Variants in OS9 observed in about 807,000 individuals in gnomAD.
OS9 encodes OS9 endoplasmic reticulum lectin.
In OS9, 58 loss-of-function variants were observed where a neutral mutation model predicts 84.7. That is an observed-to-expected ratio of 0.68 (90% CI 0.55 to 0.85). OS9 has a LOEUF of 0.85. Ranked by LOEUF, OS9 falls within the 40% of genes least tolerant of loss-of-function variation. The probability of loss-of-function intolerance (pLI) is 0.00; values close to 1 mark genes in which losing one functional copy is unlikely to be tolerated. For synonymous variants in OS9, 278 were observed against 320.8 expected (o/e 0.87, Z 1.43); for missense variants, 760 against 850.9 (o/e 0.89, Z 1.33).
In OS9 at chr12:57,694,356, A is replaced by C. The variant is rs772928281; in HGVS notation, c.162+33A>C. 2.5e-6 allele frequency: 4 copies of C among 1,610,664 alleles called. No individual in the cohort carries two copies. The East Asian group carries it at 8.9e-5, about 36-fold the overall frequency. Reference sequence around the variant, plus strand: ...GCGTATAAGGGGCGAGGGTCTGGGCAGAAGAGGAAGCGGGTAAGAGATAGA... The same window carrying C: ...GCGTATAAGGGGCGAGGGTCTGGGCCGAAGAGGAAGCGGGTAAGAGATAGA... On this transcript the variant is annotated intron_variant, in intron 1 of 14. Coordinates refer to ENST00000315970, the MANE Select transcript of OS9 (RefSeq NM_006812.4).
Position 57,711,974 on chromosome 12 carries a change from G to T in OS9, c.580-3786G>T, listed in dbSNP as rs114369345. 3.0e-3 allele frequency among the ~76,000 whole-genome samples: 453 copies of T among 152,266 alleles called. 1 individual carries two copies. The highest frequency in any genetic ancestry group is 0.01 in the African/African-American group (433 of 41,566). Reference sequence around the variant, plus strand: ...AGCAAAAAAAGCATAATTGCCAGGTGCAAGTTATGGATATTTAAAGATTGT... The same window carrying T: ...AGCAAAAAAAGCATAATTGCCAGGTTCAAGTTATGGATATTTAAAGATTGT... On this transcript the variant is annotated intron_variant, in intron 5 of 14. Transcript: ENST00000315970.
In OS9 at chr12:57,695,961, G is replaced by A; in HGVS notation, c.404-1G>A. 6.2e-7 allele frequency: 1 copy of A among 1,612,384 alleles called. No individual in the cohort carries two copies. Reference sequence around the variant, plus strand: ...GTGCTTCACTGTGGCTTCCCTTGCAGATTCAGAGATCAAAGGTGAAGTCCT... The same window carrying A: ...GTGCTTCACTGTGGCTTCCCTTGCAAATTCAGAGATCAAAGGTGAAGTCCT... On this transcript the variant is annotated splice_acceptor_variant, in intron 3 of 14. Transcript: ENST00000315970. LOFTEE classifies it high-confidence loss of function.
At chr12:57,696,521 C>T (rs1455778712) in intron 5 of OS9, 148 bp downstream of exon 5, 12 of 568,604 alleles carry the variant, frequency 2.1e-5, no homozygotes, top group Admixed American at 6.5e-5. Flanking sequence ...TCCAGCCGGG[C>T]GCAGTGGCTT....
chr12:57,718,268 G>C lies in OS9; in HGVS notation c.1257G>C (p.Glu419Asp). 2 of 1,614,034 alleles carry C rather than the reference G, an allele frequency of 1.2e-6. No individual in the cohort carries two copies. The highest frequency in any genetic ancestry group is 1.7e-6 in the Non-Finnish European group (2 of 1,179,886). Residue 419 changes from glutamate to aspartate, a missense_variant, in exon 11 of 15, where the codon GAG (glutamate) becomes GAC (aspartate). Glu to Asp is a conservative substitution (Grantham distance 45). Coordinates refer to ENST00000315970, the MANE Select transcript of OS9 (RefSeq NM_006812.4). Reference sequence around the variant, plus strand: ...GAGAGATGGAAGAAGAGGAGGATGAGGATGAGGATGAGGATGAAGATGAGG... The same window carrying C: ...GAGAGATGGAAGAAGAGGAGGATGACGATGAGGATGAGGATGAAGATGAGG... ...RQREMEEEED[E>D]DEDEDEDEDE...
At chr12:57,696,076 G>T (rs1565764989) in intron 4 of OS9, 38 bp downstream of exon 4, 1 of 1,493,130 alleles carries the variant, frequency 6.7e-7, no homozygotes, top group Admixed American at 1.7e-5. Flanking sequence ...AAGGGTTCTG[G>T]CCACCGGCTG....
chr12:57,699,702 C>G (rs1463312085), intron 5 of OS9, among the ~76,000 whole-genome samples: 1 of 152,240 alleles, frequency 6.6e-6, no homozygotes, highest in African/African-American at 2.4e-5. Context: ...GCACCCCTGA[C>G]CAGTCCTTTG....
intron 2 of OS9, 88 bp from the exon 3 acceptor site, chr12:57,695,692 G>C (rs1953805757): frequency 1.2e-6 from 1 of 825,092 alleles, no homozygotes; most frequent in Non-Finnish European, 2.2e-6. Context: ...GTAGATGAGA[G>C]GTTATGTGTC....
At position 57,720,502 on chromosome 12, in the gene OS9, T is replaced by C. The variant is rs773307060; in HGVS notation, c.1862T>C (p.Ile621Thr). ...TDEDTRNLKE[I>T]FFNILVPGAE... ...GAGGACACGAGAAACCTCAAGGAGA[T>C]CTTCTTCAATATCTTGGTAAGAGGC... The change falls in exon 14 of 15, where the codon ATC (isoleucine) becomes ACC (threonine). Residue 621 changes from isoleucine (I) to threonine (T), a missense_variant. Transcript: ENST00000315970. 3.0e-5 allele frequency: 49 copies of C among 1,609,718 alleles called. No homozygotes were observed. Among genetic ancestry groups the C allele is most frequent in the Middle Eastern group, 3.3e-4 (2 of 6,070 alleles).
intron 4 of OS9, 105 bp from the exon 5 acceptor site, chr12:57,696,170 G>T: frequency 8.2e-7 from 1 of 1,223,342 alleles, no homozygotes; most frequent in Admixed American, 1.8e-5. Context: ...GTTTCCTGGG[G>T]CCTGGGGGCA....
At position 57,699,968 on chromosome 12, in the gene OS9, G is replaced by A. The variant is rs1426319914; in HGVS notation, c.579+3595G>A. Among the ~76,000 whole-genome samples the A allele has an allele frequency of 7.2e-5, 11 of 152,236 alleles. No homozygotes were observed. In the East Asian group the frequency reaches 9.7e-4, roughly 13 times the overall value. On this transcript the variant is annotated intron_variant, in intron 5 of 14. Coordinates refer to ENST00000315970, the MANE Select transcript of OS9 (RefSeq NM_006812.4). ...AAATTAGCCGGGTGTGGTGGTGGGC[G>A]CCTGTAATCCCAGCTACTCGGGAGG...
chr12:57,707,110 T>C (rs1401008723), intron 5 of OS9, among the ~76,000 whole-genome samples: 1 of 152,198 alleles, frequency 6.6e-6, no homozygotes, highest in Non-Finnish European at 1.5e-5. Flanking sequence ...TTTGTAAATA[T>C]ATCCTCTTTT....
intron 9 of OS9, 29 bp downstream of exon 9, chr12:57,716,773 T>G: frequency 6.2e-7 from 1 of 1,602,414 alleles, no homozygotes; most frequent in Non-Finnish European, 8.6e-7. Flanking sequence ...TCTCCTTTAC[T>G]GAATATATTT....
chr12:57,695,032 A>C (rs534911085), intron 2 of OS9, 106 bp downstream of exon 2: 2 of 934,160 alleles, frequency 2.1e-6, no homozygotes, highest in South Asian at 2.8e-5. Context: ...GTAGTGGTTA[A>C]GAAGACCACT....
rs551627072 is a variant in OS9, at chr12:57,718,473, G to A, written c.1410+52G>A. The A allele has an allele frequency of 1.3e-4, 209 of 1,570,580 alleles. 1 individual carries two copies. The South Asian group carries it at 2.3e-3, about 18-fold the overall frequency. ...TTCCACAGCCGCCTGGTCCCGTGGAGCAGGACAGGCTGACGGGCTAAAAGA... is the reference window on the plus strand; with the variant it reads ...TTCCACAGCCGCCTGGTCCCGTGGAACAGGACAGGCTGACGGGCTAAAAGA... On this transcript the variant is annotated intron_variant, in intron 11 of 14. Transcript: ENST00000315970.
At position 57,720,090 on chromosome 12, in the gene OS9, C is replaced by T. The variant is rs1954628579; in HGVS notation, c.1601-9C>T. On this transcript the variant is annotated splice_polypyrimidine_tract_variant and intron_variant, in intron 12 of 14. Coordinates refer to ENST00000315970, the MANE Select transcript of OS9 (RefSeq NM_006812.4). ...GCTTTGTGTTTCCCTGTGTGTCTCCCCCTCTAAGAGGAGGATCCTGAGCAC... is the reference window on the plus strand; with the variant it reads ...GCTTTGTGTTTCCCTGTGTGTCTCCTCCTCTAAGAGGAGGATCCTGAGCAC... 2 of 1,612,366 alleles carry T rather than the reference C, an allele frequency of 1.2e-6. No individual in the cohort carries two copies. Among genetic ancestry groups the T allele is most frequent in the African/African-American group, 1.3e-5 (1 of 75,006 alleles).
intron 5 of OS9, among the ~76,000 whole-genome samples, chr12:57,714,804 C>G (rs921354431): frequency 3.3e-5 from 5 of 151,596 alleles, no homozygotes; most frequent in African/African-American, 9.7e-5. Context: ...ACTATGTTGC[C>G]AAGGCTGGTC....
intron 2 of OS9, 26 bp downstream of exon 2, chr12:57,694,952 T>C (rs199940710): frequency 6.2e-7 from 1 of 1,609,332 alleles, no homozygotes; most frequent in African/African-American, 1.3e-5. Flanking sequence ...TTAGATAGAA[T>C]GAGGGCTTGG....
intron 8 of OS9, 79 bp downstream of exon 8, chr12:57,716,591 A>G: frequency 6.7e-7 from 1 of 1,502,950 alleles, no homozygotes; most frequent in Non-Finnish European, 9.3e-7. Flanking sequence ...GGTGACCTAC[A>G]TCTACCTAGG....
At chr12:57,695,744 CTCCA>C (rs1342029323) in intron 2 of OS9, 32 bp from the exon 3 acceptor site, 3 of 1,414,340 alleles carry the variant, frequency 2.1e-6, no homozygotes, top group Non-Finnish European at 3.0e-6. Flanking sequence ...GATGTCTGCA[CTCCA>C]TCCCCCTGAT....
Sources: allele counts gnomAD v4.1 joint callset (sites outside exome capture counted in the v4.1 genomes callset), GRCh38; gene constraint gnomAD v4.1.1; transcripts MANE v1.5; gene names NCBI Gene and HGNC (gene_info 2026-07-23, HGNC 2026-07-21).